Variants in TMTC2 observed in about 807,000 individuals in gnomAD.
TMTC2 encodes the protein protein O-mannosyl-transferase TMTC2.
Under a neutral mutation model 82.4 loss-of-function variants are expected in TMTC2, and 43 were observed. That is an observed-to-expected ratio of 0.52 (90% confidence interval 0.41 to 0.67). The LOEUF is 0.67. Among genes scored for constraint, TMTC2 ranks in the 30% least tolerant of loss-of-function variants. The pLI, the probability that TMTC2 is intolerant of heterozygous loss-of-function variation, is 0.00. For synonymous variants in TMTC2, 408 were observed against 381.9 expected, an observed-to-expected ratio of 1.07 and a Z score of -0.80; for missense variants, 919 against 1,012.4, an observed-to-expected ratio of 0.91 and a Z score of 1.25.
chr12:82,755,899 T>C (rs1876294669), intron 1 of TMTC2, among the ~76,000 whole-genome samples: 1 of 152,018 alleles, frequency 6.6e-6, no homozygotes, highest in African/African-American at 2.4e-5. Context: ...ATAATAAAAA[T>C]AGAAATTACT....
chr12:82,954,200 G>T (rs1452443114), intron 4 of TMTC2, among the ~76,000 whole-genome samples: 1 of 152,056 alleles, frequency 6.6e-6, no homozygotes, highest in Non-Finnish European at 1.5e-5. Context: ...GCTATCCTCT[G>T]TAACTCTTGA....
rs567490446 is a variant in TMTC2 at position 82,935,314 on chromosome 12, A to G, written c.1598+4769A>G. ...GCACTTAATTCTATTCTTAATAACAATAGATATCATGCATTTATTGTACAG... is the reference window on the plus strand; with the variant it reads ...GCACTTAATTCTATTCTTAATAACAGTAGATATCATGCATTTATTGTACAG... On this transcript the variant is annotated intron_variant, in intron 4 of 11. Transcript: ENST00000321196. Among the ~76,000 whole-genome samples the G allele has an allele frequency of 3.3e-5, 5 of 152,310 alleles. No homozygotes were observed. In the East Asian group the frequency reaches 9.6e-4, roughly 29 times the overall value.
intron 11 of TMTC2, among the ~76,000 whole-genome samples, chr12:83,063,439 T>C (rs949342462): frequency 1.3e-5 from 2 of 152,028 alleles, no homozygotes; most frequent in South Asian, 4.1e-4. Context: ...AATAATCATA[T>C]GTTAAGAACA....
chr12:82,972,984 T>G (rs756095800), intron 7 of TMTC2, among the ~76,000 whole-genome samples: 9 of 152,184 alleles, frequency 5.9e-5, no homozygotes, highest in Non-Finnish European at 1.2e-4. Flanking sequence ...TTTATATGCT[T>G]AATGTTTTCT....
intron 7 of TMTC2, among the ~76,000 whole-genome samples, chr12:82,973,000 GT>G (rs1437875760): frequency 2.6e-5 from 4 of 152,156 alleles, no homozygotes; most frequent in African/African-American, 9.7e-5. Context: ...TTTCTCCTGT[GT>G]TTAGTTGTTC....
chr12:82,804,854 C>T (rs115424699), intron 1 of TMTC2, among the ~76,000 whole-genome samples: 1 of 152,086 alleles, frequency 6.6e-6, no homozygotes, highest in Non-Finnish European at 1.5e-5. Context: ...TACATGGGCC[C>T]TACGTAAACA....
chr12:82,914,557 T>A (rs542645403), intron 3 of TMTC2, among the ~76,000 whole-genome samples: 2 of 152,316 alleles, frequency 1.3e-5, no homozygotes, highest in East Asian at 1.9e-4. Context: ...CTTTAGAGTA[T>A]TCAATATTGC....
At chr12:82,860,310 G>T (rs551495052) in intron 2 of TMTC2, among the ~76,000 whole-genome samples, 101 of 152,194 alleles carry the variant, frequency 6.6e-4, no homozygotes, top group African/African-American at 2.3e-3. Context: ...GATCATCTTT[G>T]CCACTCTCTT....
intron 4 of TMTC2, among the ~76,000 whole-genome samples, chr12:82,940,014 C>CTTTTTTTT (rs71309537): frequency 4.1e-4 from 37 of 91,262 alleles, no homozygotes; most frequent in Non-Finnish European, 5.9e-4. Context: ...TCTTTCTTTA[C>CTTTTTTTT]TTTTTTTTTT....
At chr12:83,070,132 T>G (rs1313340656) in intron 11 of TMTC2, among the ~76,000 whole-genome samples, 6 of 152,148 alleles carry the variant, frequency 3.9e-5, no homozygotes, top group Non-Finnish European at 8.8e-5. Context: ...GCCTCTAGGT[T>G]TGTTCTTTTT....
At chr12:83,086,134 A>G (rs1475980965) in intron 11 of TMTC2, among the ~76,000 whole-genome samples, 1 of 152,000 alleles carries the variant, frequency 6.6e-6, no homozygotes, top group Non-Finnish European at 1.5e-5. Flanking sequence ...TAGAAAAATC[A>G]CACACAAGGC....
rs200275370 is a variant in TMTC2 at position 82,717,218 on chromosome 12, C to CT, written c.83+29566dup. Among the ~76,000 whole-genome samples, 905 of 139,094 alleles carry CT rather than the reference C, an allele frequency of 6.5e-3. 2 individuals carry two copies. Among genetic ancestry groups the CT allele is most frequent in the African/African-American group, 0.011 (422 of 38,014 alleles). 91.3% of individuals were successfully genotyped at this position (139,094 alleles called of 152,430 possible). On this transcript the variant is annotated intron_variant, in intron 1 of 11. Coordinates refer to ENST00000321196, the MANE Select transcript of TMTC2 (RefSeq NM_152588.3). ...GATTTTACTTTACAGGCAAAAGGCA[C>CT]TTTTTTTTTTTTTTTTTATCCTGGA... is the stretch of plus-strand genomic sequence containing the variant.
intron 1 of TMTC2, among the ~76,000 whole-genome samples, chr12:82,846,528 CT>C (rs1309073141): frequency 6.6e-6 from 1 of 151,926 alleles, no homozygotes; most frequent in African/African-American, 2.4e-5. Context: ...GTTGACTTTT[CT>C]TTTTTCTTAG....
At chr12:82,942,992 A>G (rs1176213108) in intron 4 of TMTC2, among the ~76,000 whole-genome samples, 2 of 152,200 alleles carry the variant, frequency 1.3e-5, no homozygotes, top group South Asian at 2.1e-4. Context: ...AGTTGCTGCA[A>G]GTGGTCTTAG....
chr12:83,048,457 TAAG>T (rs967798484), intron 9 of TMTC2, among the ~76,000 whole-genome samples: 1 of 152,194 alleles, frequency 6.6e-6, no homozygotes, highest in Non-Finnish European at 1.5e-5. Context: ...TTCTGGGAGA[TAAG>T]AAAGCCACAG....
intron 1 of TMTC2, among the ~76,000 whole-genome samples, chr12:82,698,751 C>T (rs912431802): frequency 6.6e-6 from 1 of 152,154 alleles, no homozygotes; most frequent in Admixed American, 6.5e-5. Context: ...ACAAGCACCA[C>T]TACTCTTGTG....
chr12:83,129,693 T>C (rs1885203704), intron 11 of TMTC2, among the ~76,000 whole-genome samples: 2 of 152,210 alleles, frequency 1.3e-5, no homozygotes, highest in Admixed American at 1.3e-4. Context: ...TCAGTGGTTG[T>C]TCAGGCACAC....
chr12:82,971,877 A>G (rs1878463370), intron 7 of TMTC2, among the ~76,000 whole-genome samples: 1 of 152,130 alleles, frequency 6.6e-6, no homozygotes. Context: ...TGAAATGTAA[A>G]TAGTTAATCT....
At chr12:82,715,042 C>CG (rs1873827636) in intron 1 of TMTC2, among the ~76,000 whole-genome samples, 1 of 152,066 alleles carries the variant, frequency 6.6e-6, no homozygotes, top group East Asian at 1.9e-4. Context: ...GAGGCCAAGG[C>CG]GGGAGGATCA....
Sources: allele counts gnomAD v4.1 joint callset (sites outside exome capture counted in the v4.1 genomes callset), GRCh38; gene constraint gnomAD v4.1.1; transcripts MANE v1.5; gene names NCBI Gene and HGNC (gene_info 2026-07-23, HGNC 2026-07-21).